The following NALF1 variants were observed in gnomAD, a reference collection of about 807,000 sequenced individuals.
The protein encoded by NALF1 is family with sequence similarity 155 member A.
Under a neutral mutation model 48.4 loss-of-function variants are expected in NALF1, and 3 were observed. That is an observed-to-expected ratio of 0.06 (90% CI 0.03 to 0.16). NALF1 has a LOEUF of 0.16. Ranked by LOEUF, NALF1 falls within the 10% of genes least tolerant of loss-of-function variation. The pLI, the probability that NALF1 is intolerant of heterozygous loss-of-function variation, is 1.00. For synonymous variants in NALF1, 262 were observed against 245.7 expected, an observed-to-expected ratio of 1.07 and a Z score of -0.62; for missense variants, 526 against 571.5, an observed-to-expected ratio of 0.92 and a Z score of 0.81.
chr13:107,776,861 C>T (rs924257367), intron 1 of NALF1, among the ~76,000 whole-genome samples: 2 of 152,154 alleles, frequency 1.3e-5, no homozygotes, highest in Non-Finnish European at 2.9e-5. Flanking sequence ...GAGGCCCAGG[C>T]AGGAGGATCC....
At chr13:107,747,960 A>G (rs1474567685) in intron 1 of NALF1, among the ~76,000 whole-genome samples, 1 of 152,194 alleles carries the variant, frequency 6.6e-6, no homozygotes, top group African/African-American at 2.4e-5. Flanking sequence ...TATTTTCCCC[A>G]TTCTGATTAC....
chr13:107,175,273 G>A (rs979736739), intron 2 of NALF1, among the ~76,000 whole-genome samples: 1 of 149,104 alleles, frequency 6.7e-6, no homozygotes, highest in Non-Finnish European at 1.5e-5. Context: ...AGTAGGGAAT[G>A]GGATTTGGGG....
At chr13:107,230,251 CT>C (rs1226169137) in intron 1 of NALF1, among the ~76,000 whole-genome samples, 1 of 152,030 alleles carries the variant, frequency 6.6e-6, no homozygotes, top group Non-Finnish European at 1.5e-5. Context: ...ATGGTTTAAT[CT>C]AGTAAACTAG....
chr13:107,837,981 G>A (rs1299772756), intron 1 of NALF1, among the ~76,000 whole-genome samples: 1 of 151,926 alleles, frequency 6.6e-6, no homozygotes, highest in Non-Finnish European at 1.5e-5. Context: ...ATGCACTATG[G>A]TTTTATATTT....
At chr13:107,523,816 G>A (rs1876335399) in intron 1 of NALF1, among the ~76,000 whole-genome samples, 1 of 151,968 alleles carries the variant, frequency 6.6e-6, no homozygotes, top group African/African-American at 2.4e-5. Context: ...TTCTGATTAT[G>A]AAAATATGTG....
intron 1 of NALF1, among the ~76,000 whole-genome samples, chr13:107,859,273 C>G (rs1199835465): frequency 6.6e-6 from 1 of 152,142 alleles, no homozygotes; most frequent in Non-Finnish European, 1.5e-5. Context: ...CCATGTATTT[C>G]CGAAGAAATG....
intron 1 of NALF1, among the ~76,000 whole-genome samples, chr13:107,329,087 G>A (rs1328920150): frequency 6.6e-6 from 1 of 152,112 alleles, no homozygotes; most frequent in Non-Finnish European, 1.5e-5. Flanking sequence ...ATATCATGAG[G>A]AAGAGCATCT....
intron 1 of NALF1, among the ~76,000 whole-genome samples, chr13:107,680,477 A>T (rs1881262182): frequency 3.3e-5 from 5 of 151,550 alleles, no homozygotes; most frequent in Admixed American, 3.3e-4. Flanking sequence ...TATGAATGAG[A>T]GTGTGTGTAT....
At chr13:107,283,370 A>T (rs1566473972) in intron 1 of NALF1, among the ~76,000 whole-genome samples, 1 of 152,104 alleles carries the variant, frequency 6.6e-6, no homozygotes, top group Non-Finnish European at 1.5e-5. Flanking sequence ...CATCAAAAAC[A>T]AGGAGAAACT....
At chr13:107,191,705 T>C (rs1249433950) in intron 2 of NALF1, among the ~76,000 whole-genome samples, 1 of 151,690 alleles carries the variant, frequency 6.6e-6, no homozygotes, top group African/African-American at 2.4e-5. Flanking sequence ...TCTCACTCTG[T>C]TGCCCAGGCT....
At chr13:107,519,037 T>G (rs1876152349) in intron 1 of NALF1, among the ~76,000 whole-genome samples, 1 of 152,152 alleles carries the variant, frequency 6.6e-6, no homozygotes, top group African/African-American at 2.4e-5. Flanking sequence ...GAGTCAGCCT[T>G]CAGGTGGGAA....
At chr13:107,840,260 G>C (rs955289920) in intron 1 of NALF1, among the ~76,000 whole-genome samples, 1 of 152,196 alleles carries the variant, frequency 6.6e-6, no homozygotes, top group Non-Finnish European at 1.5e-5. Flanking sequence ...TGATCTATTT[G>C]AAGAGTATGT....
chr13:107,727,837 AAAAC>A (rs1439588198), intron 1 of NALF1, among the ~76,000 whole-genome samples: 10 of 152,222 alleles, frequency 6.6e-5, no homozygotes, highest in Non-Finnish European at 1.5e-4. Context: ...TTACAAGAAA[AAAAC>A]AAACAACTGT....
chr13:107,756,484 CAT>C (rs1877100433), intron 1 of NALF1, among the ~76,000 whole-genome samples: 1 of 146,040 alleles, frequency 6.8e-6, no homozygotes, highest in African/African-American at 2.6e-5. Context: ...GCATGTAAAA[CAT>C]AAATACATAA....
At chr13:107,597,502 C>T (rs1012015452) in intron 1 of NALF1, among the ~76,000 whole-genome samples, 1 of 152,066 alleles carries the variant, frequency 6.6e-6, no homozygotes, top group Non-Finnish European at 1.5e-5. Context: ...GCATTAAGGT[C>T]TAACCGAGAC....
chr13:107,707,687 A>G (rs1875440208), intron 1 of NALF1, among the ~76,000 whole-genome samples: 1 of 152,174 alleles, frequency 6.6e-6, no homozygotes, highest in Non-Finnish European at 1.5e-5. Context: ...CTATCTGGCT[A>G]GATATTTGAG....
intron 1 of NALF1, among the ~76,000 whole-genome samples, chr13:107,422,159 T>A (rs1884199755): frequency 1.3e-5 from 2 of 152,122 alleles, no homozygotes; most frequent in Admixed American, 1.3e-4. Context: ...TTCATCAAAT[T>A]CCTCTCTAAA....
intron 1 of NALF1, among the ~76,000 whole-genome samples, chr13:107,535,667 A>T (rs1876782223): frequency 6.6e-6 from 1 of 152,188 alleles, no homozygotes; most frequent in Admixed American, 6.5e-5. Flanking sequence ...TAATTTATAG[A>T]TTTAATGCCA....
At chr13:107,201,549 C>T (rs1048206911) in intron 2 of NALF1, among the ~76,000 whole-genome samples, 8 of 151,950 alleles carry the variant, frequency 5.3e-5, no homozygotes, top group Non-Finnish European at 1.0e-4. Context: ...TGCACTCCAG[C>T]CTGGGTGACA....
Sources: gnomAD v4.1 joint callset for allele counts (sites outside exome capture counted in the v4.1 genomes callset) on GRCh38, gnomAD v4.1.1 for gene constraint, MANE v1.5 for transcripts, NCBI Gene and HGNC (gene_info 2026-07-23, HGNC 2026-07-21) for gene names.